The following DACT2 variants were observed in gnomAD, a reference collection of about 807,000 sequenced individuals.
The protein encoded by DACT2 is dishevelled binding antagonist of beta catenin 2, also known as dapper homolog 2.
In DACT2, 20 loss-of-function variants were observed where a neutral mutation model predicts 22.2. That is an observed-to-expected ratio of 0.90 (90% CI 0.63 to 1.31). The LOEUF is 1.31. Among genes scored for constraint, DACT2 ranks in the 50% most tolerant of loss-of-function variants. DACT2 has a pLI of 0.00. For synonymous variants in DACT2, 463 were observed against 479.8 expected (o/e 0.96, Z 0.46); for missense variants, 1,048 against 1,061.4 (o/e 0.99, Z 0.18).
chr6:168,294,475 C>T (rs576659879), intron 4 of DACT2, among the ~76,000 whole-genome samples: 1 of 150,806 alleles, frequency 6.6e-6, no homozygotes, highest in Non-Finnish European at 1.5e-5. Context: ...CCCGCTCCCC[C>T]CACCCCACAA....
In DACT2 at chr6:168,308,570, C is replaced by T. The variant is rs1779296297; in HGVS notation, c.1187G>A (p.Arg396Lys). The stretch of plus-strand genomic sequence containing the variant: ...CTGGGGCCCGCCCCTGCCGGCACCC[C>T]TGCTCTGAGCTGGCCCTCCCTCGTC... ...REDEGGPAQS[R>K]GAGRGGPQQQ... Residue 396 changes from arginine to lysine, a missense_variant, in exon 4 of 4, where the codon AGG becomes AAG. Physicochemically the swap from Arg to Lys is conservative, Grantham distance 26. Coordinates refer to ENST00000366795, the MANE Select transcript of DACT2 (RefSeq NM_214462.5). 6.5e-7 allele frequency: 1 copy of T among 1,548,550 alleles called. No homozygotes were observed. The highest frequency in any genetic ancestry group is 1.4e-5 in the African/African-American group (1 of 73,032).
At chr6:168,294,973 C>T (rs1778984534) in intron 3 of DACT2, among the ~76,000 whole-genome samples, 1 of 152,200 alleles carries the variant, frequency 6.6e-6, no homozygotes, top group Non-Finnish European at 1.5e-5. Context: ...TACTCAAGTG[C>T]CTTTCACAGC....
chr6:168,304,466 G>A (rs756003566), downstream of DACT2, among the ~76,000 whole-genome samples: 13 of 152,198 alleles, frequency 8.5e-5, no homozygotes, highest in African/African-American at 1.4e-4. Context: ...TATGACTGGC[G>A]TTCTAATTGT....
intron 1 of DACT2, 136 bp downstream of exon 1, chr6:168,319,252 A>T: frequency 1.2e-6 from 1 of 835,592 alleles, no homozygotes; most frequent in Non-Finnish European, 1.5e-6. Context: ...ACCGAACTGC[A>T]TTCCATTCAA....
chr6:168,309,236 C>G, intron 3 of DACT2, 138 bp from the exon 4 acceptor site: 1 of 1,348,332 alleles, frequency 7.4e-7, no homozygotes. Flanking sequence ...CCATGGGAGA[C>G]GGCGACTCAC....
At chr6:168,294,643 A>T in exon 4 of DACT2, 1 of 1,445,964 alleles carries the variant, frequency 6.9e-7, no homozygotes, top group Non-Finnish European at 9.0e-7. Context: ...CTGTCAGTGA[A>T]CTGGAGGTGC....
Position 168,307,041 on chromosome 6 carries a change from A to G in DACT2, c.*391T>C. Reference sequence around the variant, plus strand: ...AGAGTCCTGCAACCGCCTCTTTAAAATGCTTTTGGGGAGGAATGGTCAAAG... The same window carrying G: ...AGAGTCCTGCAACCGCCTCTTTAAAGTGCTTTTGGGGAGGAATGGTCAAAG... On this transcript the variant is annotated 3_prime_UTR_variant, in exon 4 of 4. Transcript: ENST00000366795. The surrounding 1 kb of genome is among the most constrained non-coding windows in gnomAD (Gnocchi z 5.3). 1 of 1,017,776 alleles carries G rather than the reference A, an allele frequency of 9.8e-7. No homozygotes were observed. Among genetic ancestry groups the G allele is most frequent in the East Asian group, 9.7e-5 (1 of 10,304 alleles). 63.0% of individuals were successfully genotyped at this position (1,017,776 alleles called of 1,614,324 possible). A position where few individuals can be genotyped will look rare whatever the true frequency, so the allele number is the denominator to read the frequency against.
chr6:168,311,274 C>T lies in DACT2; in HGVS notation c.257G>A (p.Arg86Lys). 6.5e-7 allele frequency: 1 copy of T among 1,547,994 alleles called. No homozygotes were observed. The highest frequency in any genetic ancestry group is 8.7e-7 in the Non-Finnish European group (1 of 1,143,808). The change falls in exon 2 of 4, where the codon AGA (arginine) becomes AAA (lysine). Residue 86 changes from arginine to lysine, a missense_variant. Physicochemically the swap from Arg to Lys is conservative, Grantham distance 26 (BLOSUM62 2). Coordinates refer to ENST00000366795, the MANE Select transcript of DACT2 (RefSeq NM_214462.5). The part of the protein sequence containing the change: ...AALQEQLSRL[R>K]QQDIGLKTHL... ...GGTCTTCAGGCCGATGTCCTGTTGTCTCAGCCGGGACTGAGAAGGGAAAGA... is the reference window on the plus strand; with the variant it reads ...GGTCTTCAGGCCGATGTCCTGTTGTTTCAGCCGGGACTGAGAAGGGAAAGA...
rs766244346 is a variant in DACT2 at position 168,294,573 on chromosome 6, G to GTATATATATATATATA, written c.730+59_730+60insTATATATATATATATA. The GTATATATATATATATA allele has an allele frequency of 1.8e-5, 8 of 441,128 alleles. No individual in the cohort carries two copies. In the African/African-American group the frequency reaches 3.8e-4, roughly 21 times the overall value. 27.3% of individuals were successfully genotyped at this position (441,128 alleles called of 1,614,324 possible). ...TGTGTGTGTGTGTATGTGTGTGTGT[G>GTATATATATATATATA]TGTGTATATATATATATATATATAT... On this transcript the variant is annotated intron_variant, in intron 4 of 5. Coordinates refer to the DACT2 transcript ENST00000366796.
intron 3 of DACT2, among the ~76,000 whole-genome samples, chr6:168,296,085 CACCCA>C (rs1562489933): frequency 1.3e-4 from 12 of 94,322 alleles, no homozygotes; most frequent in African/African-American, 7.9e-4. Flanking sequence ...GGAGGACAGG[CACCCA>C]GAATCAGGGA....
intron 3 of DACT2, among the ~76,000 whole-genome samples, chr6:168,297,729 C>A (rs970888316): frequency 6.6e-6 from 1 of 152,212 alleles, no homozygotes; most frequent in Non-Finnish European, 1.5e-5. Flanking sequence ...GTCTTGCTTG[C>A]GTGGACAGAA....
rs1779364979 is a variant in DACT2, at chr6:168,310,310, C to A, written c.516G>T (p.Gly172=). The A allele has an allele frequency of 1.3e-6, 2 of 1,551,510 alleles. No homozygotes were observed. The highest frequency in any genetic ancestry group is 1.7e-6 in the Non-Finnish European group (2 of 1,147,000). The change falls in exon 3 of 4, where the codon GGG becomes GGT. Residue 172 remains glycine (G), a synonymous_variant. Transcript: ENST00000366795. ...AQAHKARPSM[G]DWRPRSVDET... ...CATCAACCGACCGGGGCCTCCAGTC[C>A]CCCATGCTGGGCCTGGCCTTGTGGG...
chr6:168,294,577 GTATATATATATA>G (rs1554269708), intron 4 of DACT2: 2 of 124,482 alleles, frequency 1.6e-5, no homozygotes, highest in African/African-American at 1.1e-4. Context: ...GTGTGTGTGT[GTATATATATATA>G]TATATATATA....
Position 168,311,228 on chromosome 6 carries a change from C to T in DACT2, c.303G>A (p.Leu101=). Residue 101 remains leucine, a synonymous_variant, in exon 2 of 4, where the codon CTG becomes CTA. Coordinates refer to ENST00000366795, the MANE Select transcript of DACT2 (RefSeq NM_214462.5). ...GLKTHLDQLD[L]QISKLQLDVG... Reference sequence around the variant, plus strand: ...CATCCAGCTGCAGCTTGCTAATCTGCAGGTCCAGCTGGTCCAGGTGGGTCT... The same window carrying T: ...CATCCAGCTGCAGCTTGCTAATCTGTAGGTCCAGCTGGTCCAGGTGGGTCT... The T allele has an allele frequency of 1.3e-6, 2 of 1,551,022 alleles. No homozygotes were observed. Among genetic ancestry groups the T allele is most frequent in the South Asian group, 1.2e-5 (1 of 84,042 alleles).
At chr6:168,294,741 C>T (rs754154867) in intron 3 of DACT2, 6 of 1,097,952 alleles carry the variant, frequency 5.5e-6, no homozygotes, top group Non-Finnish European at 7.3e-6. Context: ...GTGAGAGCTA[C>T]AGAACACACC....
intron 3 of DACT2, chr6:168,298,071 G>C (rs1240086410): frequency 6.6e-6 from 1 of 152,212 alleles, no homozygotes; most frequent in Non-Finnish European, 1.5e-5. Context: ...CACACACATT[G>C]GAAAAATGAT....
intron 3 of DACT2, chr6:168,297,988 G>A (rs1779037421): frequency 6.6e-6 from 1 of 152,196 alleles, no homozygotes; most frequent in Non-Finnish European, 1.5e-5. Context: ...ATGGCACCAA[G>A]TCTGGCTTAT....
chr6:168,314,270 G>A (rs4708455), intron 1 of DACT2, among the ~76,000 whole-genome samples: 32,150 of 152,130 alleles, frequency 0.21, 3,445 homozygotes, highest in South Asian at 0.26. Context: ...CTAACTCCAG[G>A]CGGCCTTGCT....
At chr6:168,304,290 A>G (rs1027136172), downstream of DACT2, among the ~76,000 whole-genome samples, 2 of 152,228 alleles carry the variant, frequency 1.3e-5, no homozygotes, top group Non-Finnish European at 2.9e-5. Context: ...TAAGACATTC[A>G]GGAGACGAAT....
Sources: gnomAD v4.1 joint callset for allele counts (sites outside exome capture counted in the v4.1 genomes callset) on GRCh38, gnomAD v4.1.1 for gene constraint, Gnocchi (gnomAD v3.1) non-coding constraint, MANE v1.5 for transcripts, NCBI Gene and HGNC (gene_info 2026-07-23, HGNC 2026-07-21) for gene names.